Variants in ACTR1B observed in about 807,000 individuals in gnomAD.
ACTR1B encodes actin related protein 1B.
Under a neutral mutation model 49.4 loss-of-function variants are expected in ACTR1B, and 34 were observed. That is an observed-to-expected ratio of 0.69 (90% CI 0.52 to 0.92). The LOEUF (loss-of-function observed/expected upper bound fraction) is 0.92. Among genes scored for constraint, ACTR1B ranks in the 40% least tolerant of loss-of-function variants. The probability of loss-of-function intolerance (pLI) is 0.00; values close to 1 mark genes in which losing one functional copy is unlikely to be tolerated. For synonymous variants in ACTR1B, 207 were observed against 207.8 expected (o/e 1.00, Z 0.03); for missense variants, 471 against 522.4 (o/e 0.90, Z 0.96).
At chr2:97,663,801 G>T in intron 1 of ACTR1B, 42 bp downstream of exon 1, 4 of 1,319,480 alleles carry the variant, frequency 3.0e-6, no homozygotes, top group African/African-American at 3.1e-5. Flanking sequence ...GTGCGCCCCC[G>T]GGGGCGGGGC....
intron 9 of ACTR1B, 128 bp from the exon 10 acceptor site, chr2:97,657,320 A>C: frequency 2.0e-6 from 3 of 1,494,238 alleles, no homozygotes; most frequent in Non-Finnish European, 2.8e-6. Context: ...TGGCAGCAGC[A>C]GCCTTGGGAA....
chr2:97,660,687 T>C (rs1406925100), intron 2 of ACTR1B, 41 bp from the exon 3 acceptor site: 3 of 1,590,280 alleles, frequency 1.9e-6, no homozygotes, highest in Non-Finnish European at 2.6e-6. Context: ...GCAGGGAGCA[T>C]GGCAGAGCTT....
chr2:97,657,050 G>A, intron 10 of ACTR1B, 90 bp from the exon 11 acceptor site: 2 of 1,580,748 alleles, frequency 1.3e-6, no homozygotes, highest in Non-Finnish European at 1.7e-6. Context: ...CCTAATTTGG[G>A]AGGGAAATCC....
At position 97,659,329 on chromosome 2, in the gene ACTR1B, T is replaced by G; in HGVS notation, c.315+23A>C. 6.2e-7 allele frequency: 1 copy of G among 1,613,510 alleles called. No homozygotes were observed. Among genetic ancestry groups the G allele is most frequent in the Non-Finnish European group, 8.5e-7 (1 of 1,179,930 alleles). On this transcript the variant is annotated intron_variant, in intron 4 of 10. Coordinates refer to ENST00000289228, the MANE Select transcript of ACTR1B (RefSeq NM_005735.4). The surrounding 1 kb of genome is among the most constrained non-coding windows in gnomAD (Gnocchi z 4.0). ...GGCATGGCCAGGAGAATGCAGAGCA[T>G]GCAGGAGGGGCAGCCGCCACACCTC...
rs1443902114 is a variant in ACTR1B, at chr2:97,659,121, G to A, written c.316-118C>T. On this transcript the variant is annotated intron_variant, in intron 4 of 10. Coordinates refer to ENST00000289228, the MANE Select transcript of ACTR1B (RefSeq NM_005735.4). The surrounding 1 kb of genome is among the most constrained non-coding windows in gnomAD (Gnocchi z 4.0). ...GGCAGCTCAGCCTCCTACCCCTCCT[G>A]AGGGCCCCATCCCTTTATCTGCTGG... The A allele has an allele frequency of 2.6e-6, 4 of 1,520,496 alleles. No homozygotes were observed. The highest frequency in any genetic ancestry group is 3.6e-6 in the Non-Finnish European group (4 of 1,113,282). The allele number at this position is 1,520,496 out of a possible 1,614,324, so 94.2% of individuals were successfully genotyped here.
At position 97,658,074 on chromosome 2, in the gene ACTR1B, G is replaced by C. The variant is rs1354582137; in HGVS notation, c.794C>G (p.Pro265Arg). 1 of 1,613,990 alleles carries C rather than the reference G, an allele frequency of 6.2e-7. No homozygotes were observed. Among genetic ancestry groups the C allele is most frequent in the Non-Finnish European group, 8.5e-7 (1 of 1,180,020 alleles). ...CTCACTCTCATCCCCGACAAGGTCC[G>C]GCTGGAACAGCAGCTCGGGGGCCCG... ...RFRAPELLFQPDLVGDESEGL... is the reference protein window; with the variant it reads ...RFRAPELLFQRDLVGDESEGL... The change falls in exon 8 of 11, where the codon CCG becomes CGG. Residue 265 changes from proline (P) to arginine (R), a missense_variant. By Grantham distance (103) the Pro-to-Arg change is moderately radical. Transcript: ENST00000289228. This position sits in a 1 kb window ranked among gnomAD's most constrained non-coding sequence, Gnocchi z 5.9.
Position 97,664,013 on chromosome 2 carries a change from C to T in ACTR1B, c.-123G>A, listed in dbSNP as rs956181170. On this transcript the variant is annotated 5_prime_UTR_variant, in exon 1 of 11. Coordinates refer to ENST00000289228, the MANE Select transcript of ACTR1B (RefSeq NM_005735.4). ...GCGCCGCTGCCCTCCCTCCCCGAGC[C>T]TGCAGCCTACGCGAGCCCCGCGGGG... 8 of 487,394 alleles carry T rather than the reference C, an allele frequency of 1.6e-5. No homozygotes were observed. The highest frequency in any genetic ancestry group is 1.0e-4 in the Admixed American group (2 of 19,728). The allele number at this position is 487,394 out of a possible 1,614,324, so 30.2% of individuals were successfully genotyped here.
chr2:97,659,593 ACCAC>A lies in ACTR1B; in HGVS notation c.190-120_190-117del. ...CAGAACCTCACCTGCCCTGACCAGA[ACCAC>A]CCCTGCTCACTGGGTGTCCCAGGGT... is the stretch of plus-strand genomic sequence containing the variant. On this transcript the variant is annotated intron_variant, in intron 3 of 10. Coordinates refer to ENST00000289228, the MANE Select transcript of ACTR1B (RefSeq NM_005735.4). This position sits in a 1 kb window ranked among gnomAD's most constrained non-coding sequence, Gnocchi z 4.0. 9.1e-7 allele frequency: 1 copy of A among 1,095,542 alleles called. No individual in the cohort carries two copies. Among genetic ancestry groups the A allele is most frequent in the Non-Finnish European group, 1.3e-6 (1 of 750,142 alleles). The allele number at this position is 1,095,542 out of a possible 1,614,324, so 67.9% of individuals were successfully genotyped here.
Position 97,656,669 on chromosome 2 carries a change from A to C in ACTR1B, c.*189T>G, listed in dbSNP as rs1432683078. 3 of 592,538 alleles carry C rather than the reference A, an allele frequency of 5.1e-6. No individual in the cohort carries two copies. Among genetic ancestry groups the C allele is most frequent in the East Asian group, 5.6e-5 (2 of 35,456 alleles). The allele number at this position is 592,538 out of a possible 1,614,324, so 36.7% of individuals were successfully genotyped here. ...CTCAAGGCTCCTGTCCATGCAGCTC[A>C]ATGTTACTTGTGTGTGCATGTCCTG... On this transcript the variant is annotated 3_prime_UTR_variant, in exon 11 of 11. Transcript: ENST00000289228.
In ACTR1B at chr2:97,662,514, C is replaced by T. The variant is rs1279912548; in HGVS notation, c.49-568G>A. 3.3e-5 allele frequency among the ~76,000 whole-genome samples: 5 copies of T among 151,854 alleles called. No homozygotes were observed. The East Asian group carries it at 7.7e-4, about 23-fold the overall frequency. ...AAGACCAATGGGTGCATGGGATGAC[C>T]GGCAGCTTCCCTCAAGTGGCTTCCC... On this transcript the variant is annotated intron_variant, in intron 1 of 10. Coordinates refer to ENST00000289228, the MANE Select transcript of ACTR1B (RefSeq NM_005735.4).
At chr2:97,661,991 T>C (rs764324779) in intron 1 of ACTR1B, 45 bp from the exon 2 acceptor site, 1 of 1,552,912 alleles carries the variant, frequency 6.4e-7, no homozygotes, top group Admixed American at 1.9e-5. Context: ...CACCACCAGA[T>C]GAAGCCAGTC....
rs201592170 is a variant in ACTR1B, at chr2:97,661,833, T to C, written c.113+49A>G. Reference sequence around the variant, plus strand: ...CCCTGTGACAGAAGGCCAATGTTCTTACAGAAGGTAAACAAAAGGACTAAG... The same window carrying C: ...CCCTGTGACAGAAGGCCAATGTTCTCACAGAAGGTAAACAAAAGGACTAAG... On this transcript the variant is annotated intron_variant, in intron 2 of 10. Transcript: ENST00000289228. 5.8e-5 allele frequency: 90 copies of C among 1,544,302 alleles called. No individual in the cohort carries two copies. In the East Asian group the frequency reaches 1.9e-3, roughly 33 times the overall value.
Position 97,659,124 on chromosome 2 carries a change from G to C in ACTR1B, c.316-121C>G. 6.6e-7 allele frequency: 1 copy of C among 1,514,136 alleles called. No homozygotes were observed. The highest frequency in any genetic ancestry group is 1.2e-5 in the South Asian group (1 of 82,578). The allele number at this position is 1,514,136 out of a possible 1,614,324, so 93.8% of individuals were successfully genotyped here. ...AGCTCAGCCTCCTACCCCTCCTGAG[G>C]GCCCCATCCCTTTATCTGCTGGCAG... On this transcript the variant is annotated intron_variant, in intron 4 of 10. Coordinates refer to ENST00000289228, the MANE Select transcript of ACTR1B (RefSeq NM_005735.4). The surrounding 1 kb of genome is among the most constrained non-coding windows in gnomAD (Gnocchi z 4.0).
chr2:97,659,941 T>C lies in ACTR1B; in HGVS notation c.190-464A>G. ...CAGTCCCCTGTTTGCACTGACATGC[T>C]GCCTCCACCTGCCCTTCGATGTCCC... On this transcript the variant is annotated intron_variant, in intron 3 of 10. Transcript: ENST00000289228. The surrounding 1 kb of genome is among the most constrained non-coding windows in gnomAD (Gnocchi z 4.0). 1 of 202,490 alleles carries C rather than the reference T, an allele frequency of 4.9e-6. No homozygotes were observed. The highest frequency in any genetic ancestry group is 8.6e-5 in the South Asian group (1 of 11,632). 12.5% of individuals were successfully genotyped at this position (202,490 alleles called of 1,614,324 possible). A position where few individuals can be genotyped will look rare whatever the true frequency, so the allele number is the denominator to read the frequency against.
rs1250540579 is a variant in ACTR1B, at chr2:97,656,038, A to T, written c.*820T>A. ...AGGCAACCGTGTTAAATTATTGTAC[A>T]TATCTGAGAGAGGGAGGTGGGGCCC... is the stretch of plus-strand genomic sequence containing the variant. On this transcript the variant is annotated 3_prime_UTR_variant, in exon 11 of 11. Transcript: ENST00000289228. 1.3e-5 allele frequency: 2 copies of T among 152,238 alleles called. No homozygotes were observed. The highest frequency in any genetic ancestry group is 3.8e-4 in the East Asian group (2 of 5,206). The allele number at this position is 152,238 out of a possible 1,614,324, so 9.4% of individuals were successfully genotyped here.
Position 97,661,947 on chromosome 2 carries a change from C to A in ACTR1B, c.49-1G>T. The A allele has an allele frequency of 6.3e-7, 1 of 1,587,692 alleles. No homozygotes were observed. The highest frequency in any genetic ancestry group is 8.6e-7 in the Non-Finnish European group (1 of 1,164,838). ...AGCCAGCTTTAATCACCCCCGAACC[C>A]TGCAAGGAAAAACAAAGTTGAGCTG... On this transcript the variant is annotated splice_acceptor_variant, in intron 1 of 10. Coordinates refer to ENST00000289228, the MANE Select transcript of ACTR1B (RefSeq NM_005735.4). LOFTEE classifies it high-confidence loss of function.
Position 97,657,192 on chromosome 2 carries a change from T to C in ACTR1B, c.988A>G (p.Ile330Val), listed in dbSNP as rs1201174302. ...TACAGCCGTTCCTGCGGGGCTGAGA[T>C]CTAGAAGGAGGAAGTGGCCACGTTA... ...KLAPKDIKIK[I>V]SAPQERLYST... Residue 330 changes from isoleucine to valine, a missense_variant and splice_region_variant, in exon 10 of 11, where the codon ATC (isoleucine) becomes GTC (valine). Coordinates refer to ENST00000289228, the MANE Select transcript of ACTR1B (RefSeq NM_005735.4). 5 of 1,613,252 alleles carry C rather than the reference T, an allele frequency of 3.1e-6. No individual in the cohort carries two copies. In the South Asian group the frequency reaches 4.4e-5, roughly 14 times the overall value.
At chr2:97,661,582 C>T (rs569810025) in intron 2 of ACTR1B, among the ~76,000 whole-genome samples, 5 of 152,370 alleles carry the variant, frequency 3.3e-5, no homozygotes, top group South Asian at 2.1e-4. Context: ...GGGCTCCCCT[C>T]GGAGATGTCT....
In ACTR1B at chr2:97,658,737, T is replaced by G; in HGVS notation, c.441-94A>C. 3 of 1,580,506 alleles carry G rather than the reference T, an allele frequency of 1.9e-6. No individual in the cohort carries two copies. Among genetic ancestry groups the G allele is most frequent in the Non-Finnish European group, 2.6e-6 (3 of 1,152,998 alleles). ...ACCCTGGCACATCTGCATTATCTAG[T>G]CTGAAGAGAGGACACGAGGGACTCC... is the stretch of plus-strand genomic sequence containing the variant. On this transcript the variant is annotated intron_variant, in intron 5 of 10. Transcript: ENST00000289228. The surrounding 1 kb of genome is among the most constrained non-coding windows in gnomAD (Gnocchi z 5.9).
Sources: gnomAD v4.1 joint callset for allele counts (sites outside exome capture counted in the v4.1 genomes callset) on GRCh38, gnomAD v4.1.1 for gene constraint, Gnocchi (gnomAD v3.1) non-coding constraint, MANE v1.5 for transcripts, NCBI Gene and HGNC (gene_info 2026-07-23, HGNC 2026-07-21) for gene names.